Variants in DCLK3 observed in about 807,000 individuals in gnomAD.
DCLK3 encodes serine/threonine-protein kinase DCLK3.
Under a neutral mutation model 46.4 loss-of-function variants are expected in DCLK3, and 30 were observed. The ratio of observed to expected loss-of-function variants is 0.65; its 90% CI spans 0.48 to 0.88. DCLK3 has a LOEUF of 0.88. Ranked by LOEUF, DCLK3 falls within the 40% of genes least tolerant of loss-of-function variation. DCLK3 has a pLI of 0.00. For missense variants in DCLK3, 846 were observed against 907.1 expected, an observed-to-expected ratio of 0.93 and a Z score of 0.87; for synonymous variants, 401 against 339.2, an observed-to-expected ratio of 1.18 and a Z score of -2.00.
intron 2 of DCLK3, among the ~76,000 whole-genome samples, chr3:36,731,289 T>C (rs563447466): frequency 7.2e-5 from 11 of 151,994 alleles, no homozygotes; most frequent in Non-Finnish European, 1.5e-4. Flanking sequence ...GGAAACTGAT[T>C]TCACCTCGAC....
chr3:36,757,263 C>T (rs539342445), intron 1 of DCLK3, among the ~76,000 whole-genome samples: 3 of 152,180 alleles, frequency 2.0e-5, no homozygotes, highest in African/African-American at 7.2e-5. Context: ...TTCCATTTTA[C>T]TTCTTATGTA....
chr3:36,737,677 C>T lies in DCLK3; in HGVS notation c.1490G>A (p.Arg497Lys). The T allele has an allele frequency of 1.2e-6, 2 of 1,613,710 alleles. No homozygotes were observed. Among genetic ancestry groups the T allele is most frequent in the South Asian group, 2.2e-5 (2 of 90,972 alleles). Residue 497 changes from arginine (R) to lysine (K), a missense_variant, in exon 2 of 5, where the codon AGG (arginine) becomes AAG (lysine). Coordinates refer to ENST00000636136, the MANE Select transcript of DCLK3 (RefSeq NM_001394672.2). This position sits in a 1 kb window ranked among gnomAD's most constrained non-coding sequence, Gnocchi z 4.4. Reference sequence around the variant, plus strand: ...CCGCTCTGGCTTGTTCTCTTCTGGCCTCGTCTTGGGCTCCTTTTCTAGCTT... The same window carrying T: ...CCGCTCTGGCTTGTTCTCTTCTGGCTTCGTCTTGGGCTCCTTTTCTAGCTT... ...PAKLEKEPKT[R>K]PEENKPERPS...
intron 2 of DCLK3, among the ~76,000 whole-genome samples, chr3:36,726,394 T>A (rs1701125881): frequency 6.6e-6 from 1 of 151,858 alleles, no homozygotes; most frequent in Non-Finnish European, 1.5e-5. Flanking sequence ...AGGAGACTCA[T>A]TAGTGCCACC....
chr3:36,737,950 T>C lies in DCLK3; in HGVS notation c.1217A>G (p.Gln406Arg). The C allele has an allele frequency of 1.2e-6, 2 of 1,614,186 alleles. No individual in the cohort carries two copies. The highest frequency in any genetic ancestry group is 1.7e-6 in the Non-Finnish European group (2 of 1,180,022). ...RGPEDQESHA[Q>R]GAAKAKKDLV... Reference sequence around the variant, plus strand: ...GTCCTTCTTGGCCTTGGCTGCTCCCTGAGCATGGCTTTCTTGATCCTCTGG... The same window carrying C: ...GTCCTTCTTGGCCTTGGCTGCTCCCCGAGCATGGCTTTCTTGATCCTCTGG... The change falls in exon 2 of 5, where the codon CAG (glutamine) becomes CGG (arginine). Residue 406 changes from glutamine (Q) to arginine (R), a missense_variant. Around this residue, in one of 3 missense-constraint regions of DCLK3, gnomAD observed 553 missense variants for 543.0 expected, o/e 1.02. Coordinates refer to ENST00000636136, the MANE Select transcript of DCLK3 (RefSeq NM_001394672.2). The surrounding 1 kb of genome is among the most constrained non-coding windows in gnomAD (Gnocchi z 4.4).
intron 1 of DCLK3, among the ~76,000 whole-genome samples, chr3:36,743,200 G>A (rs1350318597): frequency 1.3e-5 from 2 of 148,858 alleles, no homozygotes; most frequent in Non-Finnish European, 3.0e-5. Flanking sequence ...AATGATCATT[G>A]GAGCATTTCA....
chr3:36,753,027 A>T (rs1252757896), intron 1 of DCLK3, among the ~76,000 whole-genome samples: 1 of 152,200 alleles, frequency 6.6e-6, no homozygotes, highest in Non-Finnish European at 1.5e-5. Context: ...CAAGGGTAGG[A>T]AAAGAACTGT....
In DCLK3 at chr3:36,715,410, A is replaced by T; in HGVS notation, c.2372T>A (p.Val791Glu). 6.2e-7 allele frequency: 1 copy of T among 1,613,930 alleles called. No individual in the cohort carries two copies. Among genetic ancestry groups the T allele is most frequent in the Non-Finnish European group, 8.5e-7 (1 of 1,179,962 alleles). ...GGGGGACACCTGCTTCTGTCGTTTCACTGTATTGGTCTTGCCAGCTGTTTC... is the reference window on the plus strand; with the variant it reads ...GGGGGACACCTGCTTCTGTCGTTTCTCTGTATTGGTCTTGCCAGCTGTTTC... ...WIETAGKTNT[V>E]KRQKQVSPSS... is the part of the protein sequence containing the mutation. Residue 791 changes from valine (V) to glutamate (E), a missense_variant, in exon 5 of 5, where the codon GTG becomes GAG. Around this residue, in one of 3 missense-constraint regions of DCLK3, gnomAD observed 46 missense variants for 41.3 expected, o/e 1.11. Coordinates refer to ENST00000636136, the MANE Select transcript of DCLK3 (RefSeq NM_001394672.2).
At chr3:36,755,706 G>A (rs916385203) in intron 1 of DCLK3, among the ~76,000 whole-genome samples, 1 of 152,132 alleles carries the variant, frequency 6.6e-6, no homozygotes, top group Non-Finnish European at 1.5e-5. Flanking sequence ...AGAAGTGGAG[G>A]ATGGGCTGAC....
At chr3:36,745,130 T>C (rs986814324) in intron 1 of DCLK3, among the ~76,000 whole-genome samples, 1 of 152,230 alleles carries the variant, frequency 6.6e-6, no homozygotes, top group African/African-American at 2.4e-5. Flanking sequence ...TACTTATAAT[T>C]ACTTTTCTCT....
rs115351583 is a variant in DCLK3, at chr3:36,755,102, A to T, written c.82+9080T>A. ...AAATTGCTAGGAATAACTAACAAAA[A>T]ATGTGTATGAGCAACATAAGGAAAA... On this transcript the variant is annotated intron_variant, in intron 1 of 4. Transcript: ENST00000636136. Among the ~76,000 whole-genome samples, 230 of 152,312 alleles carry T rather than the reference A, an allele frequency of 1.5e-3. 1 individual carries two copies. The highest frequency in any genetic ancestry group is 5.2e-3 in the African/African-American group (216 of 41,572).
chr3:36,742,123 G>C (rs953462228), intron 1 of DCLK3, among the ~76,000 whole-genome samples: 3 of 152,166 alleles, frequency 2.0e-5, no homozygotes, highest in Admixed American at 6.5e-5. Flanking sequence ...AAACAGGACT[G>C]ACAGTAATGG....
rs1487981873 is a variant in DCLK3, at chr3:36,737,967, A to T, written c.1200T>A (p.Asp400Glu). The T allele has an allele frequency of 2.1e-5, 34 of 1,613,854 alleles. No homozygotes were observed. Among genetic ancestry groups the T allele is most frequent in the Non-Finnish European group, 2.9e-5 (34 of 1,179,956 alleles). The change falls in exon 2 of 5, where the codon GAT becomes GAA. Residue 400 changes from aspartate to glutamate, a missense_variant. Physicochemically the swap from Asp to Glu is conservative, Grantham distance 45 (BLOSUM62 2). This residue lies in a region of DCLK3 where 553 missense variants were observed against 543.0 expected (regional missense o/e 1.02). Transcript: ENST00000636136. This position sits in a 1 kb window ranked among gnomAD's most constrained non-coding sequence, Gnocchi z 4.4. ...CTGCTCCCTGAGCATGGCTTTCTTG[A>T]TCCTCTGGGCCTCTGTCCTCTTTCT... The part of the protein sequence containing the change: ...MDKKEDRGPE[D>E]QESHAQGAAK...
intron 1 of DCLK3, among the ~76,000 whole-genome samples, chr3:36,743,814 TA>T (rs1314962142): frequency 1.3e-5 from 2 of 151,994 alleles, no homozygotes; most frequent in African/African-American, 4.8e-5. Flanking sequence ...GCTTGACACA[TA>T]AGGCCCTTCA....
chr3:36,718,843 C>T (rs547140812), intron 3 of DCLK3, among the ~76,000 whole-genome samples: 14 of 152,126 alleles, frequency 9.2e-5, no homozygotes, highest in East Asian at 3.9e-4. Context: ...CACACACACG[C>T]GCACACACCT....
intron 2 of DCLK3, among the ~76,000 whole-genome samples, chr3:36,722,670 T>C (rs561169117): frequency 1.3e-5 from 2 of 152,304 alleles, no homozygotes; most frequent in East Asian, 3.9e-4. Context: ...TCTCATGAGA[T>C]CTGACAGTTT....
intron 1 of DCLK3, among the ~76,000 whole-genome samples, chr3:36,755,740 G>A (rs925228980): frequency 2.6e-5 from 4 of 152,138 alleles, no homozygotes; most frequent in African/African-American, 7.2e-5. Context: ...CCCAAAAAAC[G>A]ACAGTGTGAC....
intron 4 of DCLK3, among the ~76,000 whole-genome samples, chr3:36,717,167 G>A (rs984173804): frequency 1.3e-5 from 2 of 152,172 alleles, no homozygotes; most frequent in Non-Finnish European, 1.5e-5. Flanking sequence ...CCAGGCTGGA[G>A]TGTGGTGGCA....
intron 1 of DCLK3, among the ~76,000 whole-genome samples, chr3:36,742,377 A>G (rs1701352485): frequency 6.6e-6 from 1 of 152,196 alleles, no homozygotes; most frequent in South Asian, 2.1e-4. Context: ...TAGGAGAACA[A>G]TCTGGGAACA....
rs192189875 is a variant in DCLK3 at position 36,742,952 on chromosome 3, T to C, written c.83-3868A>G. On this transcript the variant is annotated intron_variant, in intron 1 of 4. Transcript: ENST00000636136. Reference sequence around the variant, plus strand: ...GTCCAGAACCTAACCCAATCAACCTTACTAGAAAGCCACAGGCCTGCCCGA... The same window carrying C: ...GTCCAGAACCTAACCCAATCAACCTCACTAGAAAGCCACAGGCCTGCCCGA... Among the ~76,000 whole-genome samples the C allele has an allele frequency of 3.6e-4, 55 of 152,184 alleles. 1 individual carries two copies. The highest frequency in any genetic ancestry group is 1.2e-3 in the African/African-American group (48 of 41,526).
Sources: allele counts gnomAD v4.1 joint callset (sites outside exome capture counted in the v4.1 genomes callset), GRCh38; gene constraint gnomAD v4.1.1; regional missense constraint gnomAD v4.1.1; non-coding constraint Gnocchi (gnomAD v3.1); transcripts MANE v1.5; gene names NCBI Gene and HGNC (gene_info 2026-07-23, HGNC 2026-07-21).